The following TFG variants were observed in gnomAD, a reference collection of about 807,000 sequenced individuals.
TFG encodes protein TFG.
In TFG, 22 loss-of-function variants were observed where a neutral mutation model predicts 51.4. The observed-to-expected ratio is 0.43, with a 90% CI of 0.31 to 0.61. The LOEUF (loss-of-function observed/expected upper bound fraction) is 0.61. TFG is among the 20% of genes least tolerant of loss of function. The probability of loss-of-function intolerance (pLI) is 0.12; values close to 1 mark genes in which losing one functional copy is unlikely to be tolerated. For missense variants in TFG, 419 were observed against 487.7 expected, an observed-to-expected ratio of 0.86 and a Z score of 1.33; for synonymous variants, 187 against 165.6, an observed-to-expected ratio of 1.13 and a Z score of -0.99.
chr3:100,748,473 C>T lies in TFG; in HGVS notation c.1145C>T (p.Ala382Val), dbSNP rs138185005. Residue 382 changes from alanine to valine, a missense_variant, in exon 8 of 8, where the codon GCG becomes GTG. Ala to Val is a moderately conservative substitution (Grantham distance 64). Transcript: ENST00000240851. ...CCTCCAAGTGGGCCTAATCCTTATG[C>T]GCGTAACCGTCCTCCCTTTGGTCAG... Reference protein sequence around the residue: ...TPPPSGPNPYARNRPPFGQGY... With the variant: ...TPPPSGPNPYVRNRPPFGQGY... 3.9e-5 allele frequency: 63 copies of T among 1,614,050 alleles called. No individual in the cohort carries two copies. The highest frequency in any genetic ancestry group is 1.7e-4 in the African/African-American group (13 of 75,030).
chr3:100,726,495 T>G (rs1402202210), intron 3 of TFG, among the ~76,000 whole-genome samples: 1 of 152,224 alleles, frequency 6.6e-6, no homozygotes, highest in Non-Finnish European at 1.5e-5. Flanking sequence ...TAATATTAAC[T>G]TAATTAATTT....
intron 6 of TFG, among the ~76,000 whole-genome samples, chr3:100,737,397 G>A (rs946915995): frequency 6.6e-6 from 1 of 152,200 alleles, no homozygotes; most frequent in Admixed American, 6.5e-5. Flanking sequence ...TTTAAAATAG[G>A]GGATTGAAGG....
intron 6 of TFG, among the ~76,000 whole-genome samples, chr3:100,740,253 G>A (rs184781223): frequency 5.3e-4 from 80 of 152,240 alleles, no homozygotes; most frequent in Non-Finnish European, 9.9e-4. Flanking sequence ...CAGATATCCC[G>A]GAATGGTTTA....
chr3:100,731,765 C>T (rs1009205073), intron 4 of TFG, among the ~76,000 whole-genome samples: 1 of 152,032 alleles, frequency 6.6e-6, no homozygotes, highest in African/African-American at 2.4e-5. Context: ...CCAGGCTGGT[C>T]TCGAGCTCCT....
intron 3 of TFG, among the ~76,000 whole-genome samples, chr3:100,726,295 C>T (rs978579093): frequency 6.6e-6 from 1 of 152,204 alleles, no homozygotes; most frequent in African/African-American, 2.4e-5. Context: ...ATCCTACCTT[C>T]TTCTGCCTGT....
At chr3:100,718,549 G>GTTTT (rs57611480) in intron 2 of TFG, among the ~76,000 whole-genome samples, 3 of 60,072 alleles carry the variant, frequency 5.0e-5, no homozygotes, top group African/African-American at 1.8e-4. Context: ...GTATTTCATG[G>GTTTT]TTTTTTTTTT....
At chr3:100,736,743 TG>T (rs1347068395) in intron 6 of TFG, 27 bp downstream of exon 6, 1 of 1,607,090 alleles carries the variant, frequency 6.2e-7, no homozygotes, top group East Asian at 2.3e-5. Flanking sequence ...AACACATGTT[TG>T]GGAAAGTACA....
At position 100,748,427 on chromosome 3, in the gene TFG, C is replaced by T; in HGVS notation, c.1099C>T (p.Pro367Ser). The T allele has an allele frequency of 1.9e-6, 3 of 1,614,108 alleles. No homozygotes were observed. Among genetic ancestry groups the T allele is most frequent in the Non-Finnish European group, 2.5e-6 (3 of 1,179,994 alleles). Residue 367 changes from proline (P) to serine (S), a missense_variant, in exon 8 of 8, where the codon CCT becomes TCT. Transcript: ENST00000240851. ...ACCAAGACCAGGTTTTACTTCACTTCCTGGAAGTACCATGACCCCTCCTCC... is the reference window on the plus strand; with the variant it reads ...ACCAAGACCAGGTTTTACTTCACTTTCTGGAAGTACCATGACCCCTCCTCC... The part of the protein sequence containing the change: ...YQPRPGFTSL[P>S]GSTMTPPPSG...
At chr3:100,738,471 G>A (rs891383632) in intron 6 of TFG, among the ~76,000 whole-genome samples, 2 of 152,194 alleles carry the variant, frequency 1.3e-5, no homozygotes, top group Admixed American at 1.3e-4. Flanking sequence ...TGGGAATTAA[G>A]GCGCTACTAG....
chr3:100,725,598 G>A (rs1419634322), intron 3 of TFG, among the ~76,000 whole-genome samples: 8 of 129,536 alleles, frequency 6.2e-5, no homozygotes, highest in East Asian at 2.3e-4. Flanking sequence ...CCAACATGGC[G>A]AAACTCCGTC....
At chr3:100,709,373 G>T (rs1318570310), upstream of TFG, 1 of 152,542 alleles carries the variant, frequency 6.6e-6, no homozygotes, top group Non-Finnish European at 1.5e-5. Context: ...GGACTCTTCG[G>T]CCTAGGCAGC....
chr3:100,737,831 T>C (rs2095110808), intron 6 of TFG, among the ~76,000 whole-genome samples: 1 of 152,154 alleles, frequency 6.6e-6, no homozygotes, highest in Admixed American at 6.5e-5. Context: ...GGAGGATCAC[T>C]TGAGCCCAGG....
At chr3:100,731,531 C>T (rs1209444947) in intron 4 of TFG, among the ~76,000 whole-genome samples, 1 of 152,006 alleles carries the variant, frequency 6.6e-6, no homozygotes, top group Non-Finnish European at 1.5e-5. Context: ...CCCAGAAACC[C>T]ACATCCAGTT....
At chr3:100,726,291 CCTT>C (rs1199804784) in intron 3 of TFG, among the ~76,000 whole-genome samples, 7 of 152,168 alleles carry the variant, frequency 4.6e-5, no homozygotes, top group African/African-American at 1.4e-4. Context: ...ACTTATCCTA[CCTT>C]CTTCTGCCTG....
In TFG at chr3:100,744,867, C is replaced by G. The variant is rs867600144; in HGVS notation, c.756C>G (p.Gly252=). Residue 252 remains glycine, a synonymous_variant, in exon 7 of 8, where the codon GGC becomes GGG. Coordinates refer to ENST00000240851, the MANE Select transcript of TFG (RefSeq NM_006070.6). ...QMYQQYQQQA[G]YGAQQPQAPP... is the part of the protein sequence containing the mutation. ...ACCAACAGTACCAGCAACAGGCCGG[C>G]TATGGTGCACAGCAGCCGCAGGCTC... is the stretch of plus-strand genomic sequence containing the variant. The G allele has an allele frequency of 1.2e-6, 2 of 1,613,374 alleles. No homozygotes were observed. The highest frequency in any genetic ancestry group is 1.3e-5 in the African/African-American group (1 of 74,852).
chr3:100,722,170 G>A (rs989858692), intron 3 of TFG, among the ~76,000 whole-genome samples: 2 of 151,964 alleles, frequency 1.3e-5, no homozygotes, highest in African/African-American at 4.8e-5. Context: ...AAAACAAAAC[G>A]AGAACATAAG....
chr3:100,748,376 G>A lies in TFG; in HGVS notation c.1048G>A (p.Ala350Thr), dbSNP rs543542721. The change falls in exon 8 of 8, where the codon GCT becomes ACT. Residue 350 changes from alanine to threonine, a missense_variant. Transcript: ENST00000240851. ...TVAPASQPGM[A>T]PSQPGAYQPR... The stretch of plus-strand genomic sequence containing the variant: ...GGCTCCTGCCTCTCAACCTGGAATG[G>A]CTCCAAGCCAACCTGGGGCCTATCA... The A allele has an allele frequency of 1.2e-4, 194 of 1,614,102 alleles. 1 individual carries two copies. The South Asian group carries it at 1.8e-3, about 15-fold the overall frequency.
chr3:100,709,386 G>T (rs905128844), upstream of TFG: 2 of 152,536 alleles, frequency 1.3e-5, no homozygotes, highest in Admixed American at 6.5e-5. Context: ...TAGGCAGCCG[G>T]GACCCAGCCA....
intron 3 of TFG, among the ~76,000 whole-genome samples, chr3:100,727,331 A>G (rs2095078854): frequency 6.7e-6 from 1 of 150,202 alleles, no homozygotes; most frequent in Middle Eastern, 3.4e-3. Flanking sequence ...AGGAGATTGT[A>G]TTGAACTTCA....
Sources: allele counts gnomAD v4.1 joint callset (sites outside exome capture counted in the v4.1 genomes callset), GRCh38; gene constraint gnomAD v4.1.1; transcripts MANE v1.5; gene names NCBI Gene and HGNC (gene_info 2026-07-23, HGNC 2026-07-21).